The following BRAF variants were observed in gnomAD, a reference collection of about 807,000 sequenced individuals.
The protein encoded by BRAF is serine/threonine-protein kinase B-raf.
In BRAF, 16 loss-of-function variants were observed where a neutral mutation model predicts 104.6. The ratio of observed to expected loss-of-function variants is 0.15; its 90% CI spans 0.10 to 0.23. The LOEUF (loss-of-function observed/expected upper bound fraction) is 0.23. Ranked by LOEUF, BRAF falls within the 10% of genes least tolerant of loss-of-function variation. The probability of loss-of-function intolerance (pLI) is 1.00; values close to 1 mark genes in which losing one functional copy is unlikely to be tolerated. For missense variants in BRAF, 541 were observed against 937.3 expected, an observed-to-expected ratio of 0.58 and a Z score of 5.52; for synonymous variants, 310 against 341.6, an observed-to-expected ratio of 0.91 and a Z score of 1.02.
At chr7:140,848,401 T>C (rs1396297516) in intron 2 of BRAF, among the ~76,000 whole-genome samples, 1 of 152,198 alleles carries the variant, frequency 6.6e-6, no homozygotes, top group Non-Finnish European at 1.5e-5. Context: ...AAAGTAACTA[T>C]AAGAAATGAG....
Position 140,794,320 on chromosome 7 carries a change from A to C in BRAF, c.1128T>G (p.Pro376=). 1.2e-6 allele frequency: 2 copies of C among 1,614,008 alleles called. No homozygotes were observed. The highest frequency in any genetic ancestry group is 4.5e-5 in the East Asian group (2 of 44,864). The change falls in exon 8 of 20, where the codon CCT becomes CCG. Residue 376 remains proline, a synonymous_variant. Transcript: ENST00000644969. ...GCTGGATACTTACATCAATATTGAC[A>C]GGTTCTATTGTGTTTATATGCACAT... ...APNVHINTIE[P]VNIDDLIRDQ...
At chr7:140,866,043 T>C (rs1810930419) in intron 1 of BRAF, among the ~76,000 whole-genome samples, 1 of 152,204 alleles carries the variant, frequency 6.6e-6, no homozygotes, top group African/African-American at 2.4e-5. Flanking sequence ...CATTTACAAA[T>C]TCAACAATTG....
At chr7:140,829,253 GC>G (rs1806434868) in intron 3 of BRAF, among the ~76,000 whole-genome samples, 1 of 150,038 alleles carries the variant, frequency 6.7e-6, no homozygotes, top group African/African-American at 2.5e-5. Context: ...GTCTCCTACA[GC>G]TTTTGAGCTA....
chr7:140,763,189 G>A (rs1302559748), intron 14 of BRAF, among the ~76,000 whole-genome samples: 2 of 148,158 alleles, frequency 1.3e-5, no homozygotes, highest in South Asian at 2.2e-4. Context: ...GGCGGCCGGG[G>A]AGAGGCGCCC....
chr7:140,718,713 T>C (rs1276522816), downstream of BRAF, among the ~76,000 whole-genome samples: 1 of 152,228 alleles, frequency 6.6e-6, no homozygotes, highest in African/African-American at 2.4e-5. Flanking sequence ...GTTTACTTCC[T>C]TTCTGGAAAC....
chr7:140,827,884 C>G (rs890130190), intron 3 of BRAF, among the ~76,000 whole-genome samples: 1 of 152,100 alleles, frequency 6.6e-6, no homozygotes, highest in African/African-American at 2.4e-5. Flanking sequence ...TACTGATGGA[C>G]ACTGAAATTT....
At chr7:140,886,266 A>C (rs1014104038) in intron 1 of BRAF, among the ~76,000 whole-genome samples, 2 of 152,192 alleles carry the variant, frequency 1.3e-5, no homozygotes, top group African/African-American at 4.8e-5. Flanking sequence ...TACTACTTAC[A>C]AAGGCATTCT....
chr7:140,850,030 T>C (rs923239567), intron 2 of BRAF, 81 bp downstream of exon 2: 2 of 1,045,684 alleles, frequency 1.9e-6, no homozygotes, highest in Non-Finnish European at 2.9e-6. Context: ...CCTAAAATAA[T>C]CAAGATTATC....
intron 1 of BRAF, among the ~76,000 whole-genome samples, chr7:140,893,819 GA>G (rs1053968196): frequency 6.6e-6 from 1 of 151,900 alleles, no homozygotes; most frequent in East Asian, 1.9e-4. Context: ...CATTTTAGGG[GA>G]AAAAAATGAC....
intron 1 of BRAF, among the ~76,000 whole-genome samples, chr7:140,860,677 A>G (rs920990712): frequency 6.6e-6 from 1 of 152,104 alleles, no homozygotes; most frequent in South Asian, 2.1e-4. Context: ...CATATGAAAA[A>G]TCAGTGAGAC....
chr7:140,750,052 G>T (rs1261979061), intron 16 of BRAF, among the ~76,000 whole-genome samples: 1 of 152,114 alleles, frequency 6.6e-6, no homozygotes, highest in Non-Finnish European at 1.5e-5. Context: ...TGCTTCTTGG[G>T]CAATGAAACA....
intron 1 of BRAF, among the ~76,000 whole-genome samples, chr7:140,859,483 A>G (rs1464748094): frequency 4.6e-5 from 7 of 152,110 alleles, no homozygotes; most frequent in Non-Finnish European, 8.8e-5. Flanking sequence ...ACTAAACCTT[A>G]TTTCACATTA....
rs778542188 is a variant in BRAF, at chr7:140,801,543, G to A, written c.729C>T (p.Phe243=). Residue 243 remains phenylalanine, a synonymous_variant, in exon 6 of 20, where the codon TTC becomes TTT. Coordinates refer to ENST00000644969, the MANE Select transcript of BRAF (RefSeq NM_001374258.1). ...TTHNFVRKTF[F]TLAFCDFCRK... The stretch of plus-strand genomic sequence containing the variant: ...GACAAAAGTCACAAAATGCTAAGGT[G>A]AAAAACGTTTTTCGTACCTGCAAAG... The A allele has an allele frequency of 1.2e-6, 2 of 1,613,148 alleles. No homozygotes were observed. The highest frequency in any genetic ancestry group is 1.7e-6 in the Non-Finnish European group (2 of 1,179,456).
chr7:140,737,656 T>C (rs901154775), intron 18 of BRAF, among the ~76,000 whole-genome samples: 2 of 152,226 alleles, frequency 1.3e-5, no homozygotes, highest in South Asian at 4.1e-4. Context: ...CATCTGCTAA[T>C]TTTTTCCTTC....
intron 3 of BRAF, among the ~76,000 whole-genome samples, chr7:140,818,896 C>A (rs528835915): frequency 6.6e-6 from 1 of 152,238 alleles, no homozygotes; most frequent in East Asian, 1.9e-4. Flanking sequence ...ACCTATCTTA[C>A]GTAGTCTACC....
At position 140,814,960 on chromosome 7, in the gene BRAF, C is replaced by T. The variant is rs1804708099; in HGVS notation, c.505-5965G>A. ...TACATTAATTTGGTAGTTTGTTTTA[C>T]AGTGCAGACGATTATATGCCTTAAG... On this transcript the variant is annotated intron_variant, in intron 3 of 19. Transcript: ENST00000644969. Among the ~76,000 whole-genome samples the T allele has an allele frequency of 6.0e-5, 9 of 151,228 alleles. No individual in the cohort carries two copies. The Admixed American group carries it at 6.0e-4, about 10-fold the overall frequency.
chr7:140,731,014 CTTTT>C (rs1360315439), intron 19 of BRAF: 1 of 152,012 alleles, frequency 6.6e-6, no homozygotes, highest in Non-Finnish European at 1.5e-5. Flanking sequence ...CAAGCAGTTT[CTTTT>C]TTTCTTTTCT....
chr7:140,784,794 G>A (rs541825397), intron 10 of BRAF, among the ~76,000 whole-genome samples: 13 of 152,084 alleles, frequency 8.5e-5, no homozygotes, highest in East Asian at 5.8e-4. Flanking sequence ...ACAGGCATCC[G>A]CCATCATGCC....
chr7:140,924,483 C>A lies in BRAF; in HGVS notation c.138+83G>T. The stretch of plus-strand genomic sequence containing the variant: ...AAGGTGGCTGAGGGCATCAAGCCCC[C>A]ACCGCCGCCTCTTTCCAAAATAAAC... On this transcript the variant is annotated intron_variant, in intron 1 of 19. Coordinates refer to ENST00000644969, the MANE Select transcript of BRAF (RefSeq NM_001374258.1). The surrounding 1 kb of genome is among the most constrained non-coding windows in gnomAD (Gnocchi z 4.2). 3 of 1,524,150 alleles carry A rather than the reference C, an allele frequency of 2.0e-6. No individual in the cohort carries two copies. The highest frequency in any genetic ancestry group is 1.8e-6 in the Non-Finnish European group (2 of 1,139,586). The allele number at this position is 1,524,150 out of a possible 1,614,324, so 94.4% of individuals were successfully genotyped here. A position where few individuals can be genotyped will look rare whatever the true frequency, so the allele number is the denominator to read the frequency against.
Sources: allele counts gnomAD v4.1 joint callset (sites outside exome capture counted in the v4.1 genomes callset), GRCh38; gene constraint gnomAD v4.1.1; non-coding constraint Gnocchi (gnomAD v3.1); transcripts MANE v1.5; gene names NCBI Gene and HGNC (gene_info 2026-07-23, HGNC 2026-07-21).